The following CMPK1 variants were observed in gnomAD, a reference collection of about 807,000 sequenced individuals.
CMPK1 encodes the protein UMP-CMP kinase.
In CMPK1, 10 loss-of-function variants were observed where a neutral mutation model predicts 25.7. That is an observed-to-expected ratio of 0.39 (90% CI 0.24 to 0.66). CMPK1 has a LOEUF of 0.66. Ranked by LOEUF, CMPK1 falls within the 30% of genes least tolerant of loss-of-function variation. The pLI, the probability that CMPK1 is intolerant of heterozygous loss-of-function variation, is 0.48. For missense variants in CMPK1, 199 were observed against 280.5 expected (o/e 0.71, Z 2.08); for synonymous variants, 106 against 101.5 (o/e 1.04, Z -0.27).
At chr1:47,358,606 CAG>C in intron 1 of CMPK1, 2 of 995,044 alleles carry the variant, frequency 2.0e-6, no homozygotes, top group Non-Finnish European at 1.2e-6. Flanking sequence ...TGGGTTGTGA[CAG>C]AGTTATAAAA....
At chr1:47,374,618 G>A (rs1646696009) in intron 3 of CMPK1, among the ~76,000 whole-genome samples, 1 of 151,914 alleles carries the variant, frequency 6.6e-6, no homozygotes, top group Non-Finnish European at 1.5e-5. Context: ...ATATATCTGA[G>A]ATGGAATCAT....
chr1:47,372,927 T>A, intron 2 of CMPK1, 28 bp from the exon 3 acceptor site: 1 of 1,588,328 alleles, frequency 6.3e-7, no homozygotes, highest in African/African-American at 1.4e-5. Flanking sequence ...TAATGTTGTA[T>A]TGAACCTAAA....
intron 1 of CMPK1, among the ~76,000 whole-genome samples, chr1:47,342,669 A>C (rs550938997): frequency 2.6e-5 from 1 of 38,838 alleles, no homozygotes; most frequent in African/African-American, 8.0e-5. Context: ...TTTTTTTTTG[A>C]GACAGGGTCT....
chr1:47,363,900 G>A (rs573788754), intron 1 of CMPK1, among the ~76,000 whole-genome samples: 4 of 151,800 alleles, frequency 2.6e-5, no homozygotes, highest in South Asian at 2.1e-4. Flanking sequence ...CCAGGATTGC[G>A]CCACTGCACT....
At chr1:47,367,720 A>C (rs1646648958) in intron 1 of CMPK1, among the ~76,000 whole-genome samples, 1 of 152,108 alleles carries the variant, frequency 6.6e-6, no homozygotes, top group Admixed American at 6.5e-5. Flanking sequence ...TCTTTTAATA[A>C]AAAGGAACTT....
intron 1 of CMPK1, among the ~76,000 whole-genome samples, chr1:47,349,821 T>G (rs1305511783): frequency 6.6e-6 from 1 of 152,196 alleles, no homozygotes; most frequent in Non-Finnish European, 1.5e-5. Flanking sequence ...TTTTTCTTTT[T>G]TTGAGACAGG....
intron 1 of CMPK1, 128 bp from the exon 2 acceptor site, chr1:47,368,341 A>T: frequency 1.5e-6 from 1 of 667,324 alleles, no homozygotes; most frequent in Non-Finnish European, 2.3e-6. Context: ...TTTATTATTT[A>T]ATATACAAGC....
intron 3 of CMPK1, among the ~76,000 whole-genome samples, chr1:47,374,529 C>A (rs1314674324): frequency 6.6e-6 from 1 of 152,020 alleles, no homozygotes; most frequent in Non-Finnish European, 1.5e-5. Flanking sequence ...CAAATATTTT[C>A]AAATTTATGG....
intron 1 of CMPK1, among the ~76,000 whole-genome samples, chr1:47,353,110 T>A (rs1441106262): frequency 6.6e-6 from 1 of 152,236 alleles, no homozygotes; most frequent in Non-Finnish European, 1.5e-5. Flanking sequence ...AATAAAGTTA[T>A]GAAAGTGCTC....
chr1:47,342,080 A>AT (rs1646445362), intron 1 of CMPK1, among the ~76,000 whole-genome samples: 2 of 150,166 alleles, frequency 1.3e-5, no homozygotes, highest in African/African-American at 4.9e-5. Flanking sequence ...CTGGCTAATT[A>AT]TTTTTTATTT....
intron 3 of CMPK1, among the ~76,000 whole-genome samples, chr1:47,373,845 G>C (rs1338597510): frequency 6.6e-6 from 1 of 151,780 alleles, no homozygotes; most frequent in East Asian, 1.9e-4. Flanking sequence ...TTTGTCTTAA[G>C]AGTGAAATGA....
chr1:47,361,516 T>C (rs1052202710), intron 1 of CMPK1, among the ~76,000 whole-genome samples: 2 of 152,212 alleles, frequency 1.3e-5, no homozygotes, highest in Non-Finnish European at 2.9e-5. Flanking sequence ...GATCTGCAAC[T>C]GCATATCAGA....
chr1:47,334,463 G>C (rs963136947), intron 1 of CMPK1, among the ~76,000 whole-genome samples: 1 of 152,228 alleles, frequency 6.6e-6, no homozygotes, highest in Non-Finnish European at 1.5e-5. Flanking sequence ...TTAGCGTGTC[G>C]CTGATCGTGT....
chr1:47,353,432 A>G (rs939200504), intron 1 of CMPK1, among the ~76,000 whole-genome samples: 7 of 152,154 alleles, frequency 4.6e-5, no homozygotes, highest in African/African-American at 1.4e-4. Context: ...TAAGGAGTGG[A>G]TCACTTTCCA....
chr1:47,334,342 TG>T (rs1646380127), intron 1 of CMPK1, among the ~76,000 whole-genome samples: 1 of 152,112 alleles, frequency 6.6e-6, no homozygotes, highest in African/African-American at 2.4e-5. Context: ...GAGGTCGCTT[TG>T]TTCCTGCGCC....
chr1:47,334,080 C>G lies in CMPK1; in HGVS notation c.135C>G (p.Gly45=). The G allele has an allele frequency of 6.5e-7, 1 of 1,539,018 alleles. No individual in the cohort carries two copies. Among genetic ancestry groups the G allele is most frequent in the Non-Finnish European group, 8.8e-7 (1 of 1,141,842 alleles). The change falls in exon 1 of 6, where the codon GGC becomes GGG. Residue 45 remains glycine, a synonymous_variant. Coordinates refer to ENST00000371873, the MANE Select transcript of CMPK1 (RefSeq NM_016308.3). ...PLVVFVLGGP[G]AGKGTQCARI... ...TCGTGTTCGTCCTCGGCGGCCCCGG[C>G]GCCGGCAAGGGGACCCAGTGCGCCC...
intron 1 of CMPK1, among the ~76,000 whole-genome samples, chr1:47,343,466 C>T (rs924538993): frequency 4.6e-5 from 7 of 151,006 alleles, no homozygotes; most frequent in Admixed American, 2.6e-4. Context: ...CAAGACCACA[C>T]CATTGCACTC....
chr1:47,334,158 G>C, intron 1 of CMPK1, 42 bp downstream of exon 1: 1 of 1,428,488 alleles, frequency 7.0e-7, no homozygotes. Context: ...GGCTTGACGG[G>C]ATGCGGGCCG....
At chr1:47,369,909 C>CTTTTTTTTTTTTT (rs60145419) in intron 2 of CMPK1, among the ~76,000 whole-genome samples, 1 of 93,698 alleles carries the variant, frequency 1.1e-5, no homozygotes, top group Non-Finnish European at 2.0e-5. Context: ...CTTTCTCTCT[C>CTTTTTTTTTTTTT]TTTTTTTTTT....
Sources: allele counts gnomAD v4.1 joint callset (sites outside exome capture counted in the v4.1 genomes callset), GRCh38; gene constraint gnomAD v4.1.1; transcripts MANE v1.5; gene names NCBI Gene and HGNC (gene_info 2026-07-23, HGNC 2026-07-21).